The following COL19A1 variants were observed in gnomAD, a reference collection of about 807,000 sequenced individuals.
COL19A1 encodes the protein collagen alpha-1(XIX) chain.
Under a neutral mutation model 190.2 loss-of-function variants are expected in COL19A1, and 159 were observed. The observed-to-expected ratio is 0.84, with a 90% CI of 0.73 to 0.95. COL19A1 has a LOEUF of 0.95. Among genes scored for constraint, COL19A1 ranks in the 40% least tolerant of loss-of-function variants. COL19A1 has a pLI of 0.00. For synonymous variants in COL19A1, 509 were observed against 458.9 expected (o/e 1.11, Z -1.39); for missense variants, 1,418 against 1,431.9 (o/e 0.99, Z 0.16).
At chr6:70,010,799 G>GC (rs985439686) in intron 11 of COL19A1, among the ~76,000 whole-genome samples, 7 of 126,502 alleles carry the variant, frequency 5.5e-5, no homozygotes, top group African/African-American at 1.9e-4. Context: ...GCCCGCCATT[G>GC]CCCAGGCTTG....
intron 14 of COL19A1, among the ~76,000 whole-genome samples, chr6:70,047,092 T>G (rs1360383140): frequency 6.6e-6 from 1 of 152,082 alleles, no homozygotes; most frequent in Admixed American, 6.6e-5. Context: ...GCAGTAATGA[T>G]GGATTAGAAA....
At chr6:69,971,853 T>C (rs1199488806) in intron 11 of COL19A1, among the ~76,000 whole-genome samples, 1 of 152,188 alleles carries the variant, frequency 6.6e-6, no homozygotes, top group Non-Finnish European at 1.5e-5. Context: ...CTAGTTAATC[T>C]CCCTGTTCTC....
chr6:70,102,192 TCCCGGAAAACCAGGACCC>T lies in COL19A1; in HGVS notation c.1251_1268del (p.Lys419_Gly424del), dbSNP rs1423530083. ...AGGGAAGACGAGGGAAAACAGGACC[TCCCGGAAAACCAGGACCC>T]CCAGGACCACCTGTGAGTAAACAAT... On this transcript the variant is annotated inframe_deletion, in exon 16 of 51. Coordinates refer to ENST00000620364, the MANE Select transcript of COL19A1 (RefSeq NM_001858.6). 1 of 1,612,634 alleles carries T rather than the reference TCCCGGAAAACCAGGACCC, an allele frequency of 6.2e-7. No individual in the cohort carries two copies. Among genetic ancestry groups the T allele is most frequent in the African/African-American group, 1.3e-5 (1 of 74,866 alleles).
intron 49 of COL19A1, among the ~76,000 whole-genome samples, chr6:70,200,633 AT>A (rs1187815226): frequency 1.3e-5 from 2 of 152,244 alleles, no homozygotes; most frequent in African/African-American, 4.8e-5. Flanking sequence ...GCAGTCCAAA[AT>A]AATATATATG....
intron 16 of COL19A1, among the ~76,000 whole-genome samples, chr6:70,102,970 T>C (rs1783728887): frequency 6.6e-6 from 1 of 152,142 alleles, no homozygotes; most frequent in Non-Finnish European, 1.5e-5. Context: ...GGTTTTTTTC[T>C]CCTATGCCTG....
chr6:70,048,327 T>C (rs917630651), intron 14 of COL19A1, among the ~76,000 whole-genome samples: 1 of 152,148 alleles, frequency 6.6e-6, no homozygotes, highest in Non-Finnish European at 1.5e-5. Context: ...ATTATTTTTC[T>C]AAGTTGGTAT....
chr6:70,151,928 C>T (rs1787087598), intron 31 of COL19A1, among the ~76,000 whole-genome samples: 1 of 152,030 alleles, frequency 6.6e-6, no homozygotes, highest in Non-Finnish European at 1.5e-5. Flanking sequence ...TTACAAAATT[C>T]CACAGTTGAC....
chr6:70,126,110 C>G (rs1047234936), intron 17 of COL19A1, among the ~76,000 whole-genome samples: 1 of 151,738 alleles, frequency 6.6e-6, no homozygotes, highest in African/African-American at 2.4e-5. Context: ...GCTGTGCCTC[C>G]CAGCAACCAA....
At chr6:70,053,402 A>G (rs1780317510) in intron 14 of COL19A1, among the ~76,000 whole-genome samples, 2 of 152,160 alleles carry the variant, frequency 1.3e-5, no homozygotes, top group African/African-American at 4.8e-5. Flanking sequence ...TAGATTCACA[A>G]TCTGATTATT....
intron 9 of COL19A1, among the ~76,000 whole-genome samples, chr6:69,958,381 A>G (rs1774560768): frequency 6.6e-6 from 1 of 152,184 alleles, no homozygotes; most frequent in Non-Finnish European, 1.5e-5. Flanking sequence ...CTCCTTATGG[A>G]CAAGTGGACA....
intron 2 of COL19A1, among the ~76,000 whole-genome samples, chr6:69,895,973 C>T (rs138296246): frequency 1.4e-4 from 22 of 152,270 alleles, no homozygotes; most frequent in African/African-American, 4.8e-4. Flanking sequence ...TTTTTTGGTA[C>T]TCCTTTCTCC....
intron 11 of COL19A1, among the ~76,000 whole-genome samples, chr6:69,994,827 T>A (rs1376388667): frequency 6.6e-6 from 1 of 152,058 alleles, no homozygotes; most frequent in Non-Finnish European, 1.5e-5. Flanking sequence ...CTCTATCCAT[T>A]TGCATCTGAG....
At chr6:70,053,939 C>G (rs1780355334) in intron 14 of COL19A1, among the ~76,000 whole-genome samples, 1 of 152,154 alleles carries the variant, frequency 6.6e-6, no homozygotes, top group Admixed American at 6.6e-5. Flanking sequence ...ATTTAAGGAT[C>G]CACTCTGGCA....
At chr6:69,869,781 C>G (rs1188433820) in intron 1 of COL19A1, among the ~76,000 whole-genome samples, 3 of 152,062 alleles carry the variant, frequency 2.0e-5, no homozygotes, top group Non-Finnish European at 4.4e-5. Flanking sequence ...GTAAAACAGA[C>G]AAGTTGATGA....
At chr6:70,181,238 C>T (rs1766156027) in intron 44 of COL19A1, among the ~76,000 whole-genome samples, 1 of 152,118 alleles carries the variant, frequency 6.6e-6, no homozygotes, top group Non-Finnish European at 1.5e-5. Flanking sequence ...ACAAACAGTG[C>T]AAAATTCAGG....
chr6:70,207,056 TGTCAA>T (rs1767918312), intron 50 of COL19A1, 78 bp downstream of exon 50: 3 of 1,602,444 alleles, frequency 1.9e-6, no homozygotes, highest in African/African-American at 1.3e-5. Context: ...GGTCCTTATA[TGTCAA>T]GTCGAGTGAT....
intron 44 of COL19A1, among the ~76,000 whole-genome samples, chr6:70,182,347 C>A (rs1766227560): frequency 6.6e-6 from 1 of 152,102 alleles, no homozygotes; most frequent in African/African-American, 2.4e-5. Context: ...TGAAATGGGG[C>A]AGACTGAAGG....
rs368109652 is a variant in COL19A1 at position 70,168,658 on chromosome 6, C to A, written c.2545C>A (p.Pro849Thr). 3.0e-4 allele frequency: 484 copies of A among 1,612,270 alleles called. No individual in the cohort carries two copies. Among genetic ancestry groups the A allele is most frequent in the Non-Finnish European group, 3.9e-4 (463 of 1,179,228 alleles). The stretch of plus-strand genomic sequence containing the variant: ...ACTTTCCATGTTTCTCTTACAGGGC[C>A]CAAAAGGCGATCCTGGCCCAGTGGT... The part of the protein sequence containing the change: ...SYPGPPGPPG[P>T]KGDPGPVGEP... The change falls in exon 40 of 51, where the codon CCA becomes ACA. Residue 849 changes from proline (P) to threonine (T), a missense_variant. Pro to Thr is a conservative substitution (Grantham distance 38). Transcript: ENST00000620364.
At chr6:69,963,813 T>C (rs1461857297) in intron 11 of COL19A1, among the ~76,000 whole-genome samples, 1 of 152,224 alleles carries the variant, frequency 6.6e-6, no homozygotes, top group Non-Finnish European at 1.5e-5. Flanking sequence ...TTTATTATAA[T>C]AAATAACTAC....
Sources: gnomAD v4.1 joint callset for allele counts (sites outside exome capture counted in the v4.1 genomes callset) on GRCh38, gnomAD v4.1.1 for gene constraint, MANE v1.5 for transcripts, NCBI Gene and HGNC (gene_info 2026-07-23, HGNC 2026-07-21) for gene names.